Variants in SH3RF2 observed in about 807,000 individuals in gnomAD.
The protein encoded by SH3RF2 is SH3 domain containing ring finger 2, also known as E3 ubiquitin-protein ligase SH3RF2.
Under a neutral mutation model 59.0 loss-of-function variants are expected in SH3RF2, and 43 were observed. The ratio of observed to expected loss-of-function variants is 0.73; its 90% CI spans 0.57 to 0.94. SH3RF2 has a LOEUF of 0.94. SH3RF2 is among the 40% of genes least tolerant of loss of function. The probability of loss-of-function intolerance (pLI) is 0.00; values close to 1 mark genes in which losing one functional copy is unlikely to be tolerated. For synonymous variants in SH3RF2, 391 were observed against 391.5 expected, an observed-to-expected ratio of 1.00 and a Z score of 0.01; for missense variants, 930 against 940.1, an observed-to-expected ratio of 0.99 and a Z score of 0.14.
rs1022465233 is a variant in SH3RF2 at position 145,937,864 on chromosome 5, T to C, written c.-65T>C. On this transcript the variant is annotated 5_prime_UTR_variant, in exon 2 of 10. Coordinates refer to ENST00000359120, the MANE Select transcript of SH3RF2 (RefSeq NM_152550.4). ...TCTCAAGAGACCAGCTCTGCCCCCG[T>C]GGCTCAACTGACCCTACCATGTGGA... 23 of 1,542,572 alleles carry C rather than the reference T, an allele frequency of 1.5e-5. No homozygotes were observed. Among genetic ancestry groups the C allele is most frequent in the Non-Finnish European group, 1.8e-5 (21 of 1,146,754 alleles).
rs141227604 is a variant in SH3RF2 at position 145,963,625 on chromosome 5, A to G, written c.378+25319A>G. 1.7e-3 allele frequency among the ~76,000 whole-genome samples: 265 copies of G among 152,282 alleles called. 1 individual carries two copies. Among genetic ancestry groups the G allele is most frequent in the African/African-American group, 6.4e-3 (264 of 41,560 alleles). On this transcript the variant is annotated intron_variant, in intron 2 of 9. Transcript: ENST00000359120. ...ATTGCACAAGAAAGTTTGTTTTAATATAAAAAATTACTCTCCTGTCAGGCT... is the reference window on the plus strand; with the variant it reads ...ATTGCACAAGAAAGTTTGTTTTAATGTAAAAAATTACTCTCCTGTCAGGCT...
chr5:145,997,390 T>C lies in SH3RF2; in HGVS notation c.379-2668T>C, dbSNP rs535489077. Reference sequence around the variant, plus strand: ...GAAGAGCAGCCTGGTCATTTATAAATGGGCTTTGCTTCCATCTACACTGCA... The same window carrying C: ...GAAGAGCAGCCTGGTCATTTATAAACGGGCTTTGCTTCCATCTACACTGCA... On this transcript the variant is annotated intron_variant, in intron 2 of 9. Coordinates refer to ENST00000359120, the MANE Select transcript of SH3RF2 (RefSeq NM_152550.4). 29 of 1,222,030 alleles carry C rather than the reference T, an allele frequency of 2.4e-5. No individual in the cohort carries two copies. The South Asian group carries it at 3.2e-4, about 14-fold the overall frequency. 75.7% of individuals were successfully genotyped at this position (1,222,030 alleles called of 1,614,324 possible).
At chr5:145,971,448 T>C (rs1463648171) in intron 2 of SH3RF2, among the ~76,000 whole-genome samples, 1 of 152,214 alleles carries the variant, frequency 6.6e-6, no homozygotes, top group Non-Finnish European at 1.5e-5. Context: ...AATGGCTCTG[T>C]ACGGTGTCAG....
chr5:146,049,571 C>A (rs1259368278), intron 7 of SH3RF2, among the ~76,000 whole-genome samples: 1 of 152,030 alleles, frequency 6.6e-6, no homozygotes, highest in African/African-American at 2.4e-5. Context: ...AGGTTTTCTT[C>A]TGCACAAATC....
intron 4 of SH3RF2, among the ~76,000 whole-genome samples, chr5:146,008,061 G>C (rs1173736395): frequency 6.6e-6 from 1 of 152,182 alleles, no homozygotes; most frequent in Admixed American, 6.5e-5. Context: ...TCTTGTTAAT[G>C]TATCATTTCA....
chr5:145,943,467 C>T (rs894374270), intron 2 of SH3RF2, among the ~76,000 whole-genome samples: 1 of 152,118 alleles, frequency 6.6e-6, no homozygotes. Flanking sequence ...AGACAAAAGT[C>T]GATTTTACCG....
chr5:146,068,153 G>A (rs1244776257), downstream of SH3RF2, among the ~76,000 whole-genome samples: 1 of 152,216 alleles, frequency 6.6e-6, no homozygotes, highest in African/African-American at 2.4e-5. Context: ...CATCTTCAAA[G>A]GCCTCAGCAA....
At chr5:146,075,858 TTTTG>T (rs1307937062) in intron 9 of SH3RF2, among the ~76,000 whole-genome samples, 4 of 151,960 alleles carry the variant, frequency 2.6e-5, no homozygotes, top group Admixed American at 1.3e-4. Flanking sequence ...ATGTTTTTGT[TTTTG>T]TTTTTTACTT....
chr5:146,028,817 T>C (rs1405562039), intron 5 of SH3RF2, among the ~76,000 whole-genome samples: 2 of 152,138 alleles, frequency 1.3e-5, no homozygotes, highest in African/African-American at 2.4e-5. Context: ...CATGGGAGAA[T>C]AGAAGGGCTT....
At chr5:146,073,943 G>A (rs898926699) in intron 9 of SH3RF2, among the ~76,000 whole-genome samples, 1 of 151,916 alleles carries the variant, frequency 6.6e-6, no homozygotes, top group Non-Finnish European at 1.5e-5. Flanking sequence ...GACTAAGAGG[G>A]AACCAGACAC....
chr5:146,071,986 AC>A (rs1430973859), intron 9 of SH3RF2, among the ~76,000 whole-genome samples: 4 of 152,236 alleles, frequency 2.6e-5, no homozygotes, highest in Admixed American at 2.0e-4. Flanking sequence ...GCTCTATCAG[AC>A]AGAAGTGAGA....
At chr5:145,982,988 A>T (rs1759562655) in intron 2 of SH3RF2, among the ~76,000 whole-genome samples, 1 of 152,202 alleles carries the variant, frequency 6.6e-6, no homozygotes, top group African/African-American at 2.4e-5. Flanking sequence ...GAGCCCAGTG[A>T]CATAGCAGAT....
Position 146,008,838 on chromosome 5 carries a change from T to C in SH3RF2, c.744+4685T>C, listed in dbSNP as rs149356263. 1.4e-3 allele frequency among the ~76,000 whole-genome samples: 206 copies of C among 152,348 alleles called. 1 individual carries two copies. The highest frequency in any genetic ancestry group is 4.7e-3 in the African/African-American group (194 of 41,584). ...CAACCACCAATCTGTTTTCTGTTCC[T>C]GTAGTTTTCTTTTTCCAGAATGTCA... On this transcript the variant is annotated intron_variant, in intron 4 of 9. Coordinates refer to ENST00000359120, the MANE Select transcript of SH3RF2 (RefSeq NM_152550.4).
intron 2 of SH3RF2, among the ~76,000 whole-genome samples, chr5:145,955,752 A>G (rs557839159): frequency 8.5e-5 from 13 of 152,354 alleles, no homozygotes; most frequent in Admixed American, 5.2e-4. Flanking sequence ...GATGAACATA[A>G]GCATATATGG....
chr5:146,081,663 G>GATTACTC (rs1763426827), exon 10 of SH3RF2: 1 of 152,200 alleles, frequency 6.6e-6, no homozygotes, highest in African/African-American at 2.4e-5. Context: ...AACGTGCAGA[G>GATTACTC]ATTACTCGAG....
In SH3RF2 at chr5:146,025,419, G is replaced by C. The variant is rs73793806; in HGVS notation, c.1059+11358G>C. 9.4e-3 allele frequency among the ~76,000 whole-genome samples: 1,431 copies of C among 152,338 alleles called. 22 individuals are homozygous for C. The highest frequency in any genetic ancestry group is 0.031 in the African/African-American group (1,281 of 41,580). On this transcript the variant is annotated intron_variant, in intron 5 of 9. Transcript: ENST00000359120. ...CAGTCCAGGCCTCCTTGGCCCACATGTTCCCTCCCTTGCCTTCCTGAGGTC... is the reference window on the plus strand; with the variant it reads ...CAGTCCAGGCCTCCTTGGCCCACATCTTCCCTCCCTTGCCTTCCTGAGGTC...
chr5:145,998,046 A>C, intron 2 of SH3RF2: 1 of 605,674 alleles, frequency 1.7e-6, no homozygotes. Flanking sequence ...ATAGAAAACT[A>C]CAAGATGTAT....
At chr5:146,015,885 T>C (rs1359876735) in intron 5 of SH3RF2, among the ~76,000 whole-genome samples, 1 of 152,230 alleles carries the variant, frequency 6.6e-6, no homozygotes, top group Non-Finnish European at 1.5e-5. Context: ...TACATGTTTG[T>C]CCAAAGGTTG....
At position 146,007,937 on chromosome 5, in the gene SH3RF2, T is replaced by C. The variant is rs150643159; in HGVS notation, c.744+3784T>C. ...TAGCACTTGCTGAGAACTCTTTAAA[T>C]AAACTTTGAATTACCAGTGCCATGG... On this transcript the variant is annotated intron_variant, in intron 4 of 9. Transcript: ENST00000359120. Among the ~76,000 whole-genome samples the C allele has an allele frequency of 3.0e-3, 458 of 152,352 alleles. 3 individuals are homozygous for C. The highest frequency in any genetic ancestry group is 0.01 in the African/African-American group (432 of 41,584).
Sources: gnomAD v4.1 joint callset for allele counts (sites outside exome capture counted in the v4.1 genomes callset) on GRCh38, gnomAD v4.1.1 for gene constraint, MANE v1.5 for transcripts, NCBI Gene and HGNC (gene_info 2026-07-23, HGNC 2026-07-21) for gene names.